LHX4: variants seen among roughly 807,000 people sequenced by gnomAD.
LHX4 encodes LIM homeobox 4.
In LHX4, 16 loss-of-function variants were observed where a neutral mutation model predicts 39.2. The observed-to-expected ratio is 0.41, with a 90% CI of 0.28 to 0.62. The LOEUF (loss-of-function observed/expected upper bound fraction) is 0.62. LHX4 is among the 20% of genes least tolerant of loss of function. The pLI is 0.33. For missense variants in LHX4, 439 were observed against 511.9 expected (o/e 0.86, Z 1.37); for synonymous variants, 206 against 198.1 (o/e 1.04, Z -0.33).
At chr1:180,272,776 T>C (rs1441189717) in intron 5 of LHX4, 2 of 152,210 alleles carry the variant, frequency 1.3e-5, no homozygotes, top group Non-Finnish European at 2.9e-5. Flanking sequence ...GATTCACTTC[T>C]CTTGAGCCCC....
intron 1 of LHX4, among the ~76,000 whole-genome samples, chr1:180,236,755 G>T (rs1664329694): frequency 6.6e-6 from 1 of 152,148 alleles, no homozygotes; most frequent in Admixed American, 6.5e-5. Flanking sequence ...GAATAGAGCT[G>T]AGGAGCTTTG....
At chr1:180,229,970 G>T (rs923931450), upstream of LHX4, among the ~76,000 whole-genome samples, 1 of 143,990 alleles carries the variant, frequency 6.9e-6, no homozygotes, top group Non-Finnish European at 1.5e-5. Flanking sequence ...GGGGAGGGGG[G>T]GGGGGTGCCG....
intron 2 of LHX4, among the ~76,000 whole-genome samples, chr1:180,259,103 G>A (rs1647992510): frequency 6.6e-6 from 1 of 152,068 alleles, no homozygotes; most frequent in East Asian, 1.9e-4. Flanking sequence ...GGAGCGGGGT[G>A]GGCAGAGAAG....
intron 5 of LHX4, 45 bp downstream of exon 5, chr1:180,272,051 C>G (rs957954772): frequency 3.8e-6 from 6 of 1,563,224 alleles, no homozygotes; most frequent in Non-Finnish European, 5.2e-6. Context: ...AGGAAAGTCC[C>G]CTGGGAATCT....
intron 1 of LHX4, among the ~76,000 whole-genome samples, chr1:180,235,555 C>A (rs1664295111): frequency 6.6e-6 from 1 of 152,250 alleles, no homozygotes; most frequent in East Asian, 1.9e-4. Flanking sequence ...GGCTCCTCCT[C>A]TTCGGAGCGG....
intron 1 of LHX4, among the ~76,000 whole-genome samples, chr1:180,244,820 C>A (rs763581000): frequency 1.3e-5 from 2 of 152,188 alleles, no homozygotes; most frequent in Non-Finnish European, 2.9e-5. Flanking sequence ...TAATTGCCCC[C>A]CTGGGAGTCC....
chr1:180,254,870 A>C (rs369785927), intron 2 of LHX4, among the ~76,000 whole-genome samples: 3 of 152,208 alleles, frequency 2.0e-5, no homozygotes, highest in African/African-American at 7.2e-5. Flanking sequence ...CATGAGGGGC[A>C]TCTACACTGT....
At chr1:180,233,611 A>C (rs164982) in intron 1 of LHX4, among the ~76,000 whole-genome samples, 82,916 of 152,174 alleles carry the variant, frequency 0.54, 24,696 homozygotes, top group African/African-American at 0.8. Context: ...CGCGGAAAAG[A>C]GCGAGGCATA....
At chr1:180,271,686 C>A in intron 4 of LHX4, 149 bp from the exon 5 acceptor site, 1 of 1,311,374 alleles carries the variant, frequency 7.6e-7, no homozygotes, top group Non-Finnish European at 1.1e-6. Context: ...TGAGGCCCAC[C>A]TGGGGAGAGG....
intron 1 of LHX4, among the ~76,000 whole-genome samples, chr1:180,236,926 G>A (rs1231350324): frequency 6.6e-6 from 1 of 152,206 alleles, no homozygotes; most frequent in Admixed American, 6.5e-5. Flanking sequence ...GAGAGGGCTG[G>A]CTGGGGTGCC....
rs1175289556 is a variant in LHX4, at chr1:180,277,591, A to T, written c.*3012A>T. 1 of 152,190 alleles carries T rather than the reference A, an allele frequency of 6.6e-6. No homozygotes were observed. The allele number at this position is 152,190 out of a possible 1,614,324, so 9.4% of individuals were successfully genotyped here. ...TTGTTGGAACGTAATGAAACCATGG[A>T]GGAAATACCAGATTTAAGGGCTAAG... On this transcript the variant is annotated 3_prime_UTR_variant, in exon 6 of 6. Transcript: ENST00000263726.
intron 2 of LHX4, among the ~76,000 whole-genome samples, chr1:180,250,970 C>G (rs1647605468): frequency 6.6e-6 from 1 of 152,154 alleles, no homozygotes; most frequent in South Asian, 2.1e-4. Context: ...GCTCCACTGC[C>G]CCAAGCCCTG....
At chr1:180,250,297 C>A (rs1352887435) in intron 2 of LHX4, among the ~76,000 whole-genome samples, 1 of 151,064 alleles carries the variant, frequency 6.6e-6, no homozygotes, top group Non-Finnish European at 1.5e-5. Flanking sequence ...GTTACAGGAC[C>A]CTGGGTGGAG....
chr1:180,265,814 G>A (rs1648287746), intron 2 of LHX4, among the ~76,000 whole-genome samples: 1 of 152,200 alleles, frequency 6.6e-6, no homozygotes, highest in Non-Finnish European at 1.5e-5. Flanking sequence ...TGGAGGTGAG[G>A]GGAGAAATGG....
chr1:180,245,508 G>A (rs1017951284), intron 1 of LHX4, among the ~76,000 whole-genome samples: 11 of 152,220 alleles, frequency 7.2e-5, no homozygotes, highest in Admixed American at 5.2e-4. Flanking sequence ...TGTGTGAGGC[G>A]GCCACTCGGC....
chr1:180,253,553 CA>C (rs1228447981), intron 2 of LHX4, among the ~76,000 whole-genome samples: 2 of 152,224 alleles, frequency 1.3e-5, no homozygotes, highest in African/African-American at 4.8e-5. Context: ...TTGGTGAACC[CA>C]AAAGGAGCTC....
intron 2 of LHX4, among the ~76,000 whole-genome samples, chr1:180,255,655 G>A (rs1351418075): frequency 6.6e-6 from 1 of 152,268 alleles, no homozygotes; most frequent in East Asian, 1.9e-4. Context: ...CAAGGCAGAA[G>A]CAATTACTTA....
rs966247344 is a variant in LHX4 at position 180,274,749 on chromosome 1, G to T, written c.*170G>T. The T allele has an allele frequency of 2.7e-6, 2 of 744,498 alleles. No homozygotes were observed. The highest frequency in any genetic ancestry group is 2.9e-5 in the Admixed American group (1 of 34,440). 46.1% of individuals were successfully genotyped at this position (744,498 alleles called of 1,614,324 possible). ...GGCTGTGAGACCACACTAGGGCATT[G>T]TTTCCCTGGGGAAGCAGTGGGAGAG... On this transcript the variant is annotated 3_prime_UTR_variant, in exon 6 of 6. Coordinates refer to ENST00000263726, the MANE Select transcript of LHX4 (RefSeq NM_033343.4).
At chr1:180,233,004 T>C (rs1664216078) in intron 1 of LHX4, among the ~76,000 whole-genome samples, 2 of 152,030 alleles carry the variant, frequency 1.3e-5, no homozygotes, top group Admixed American at 1.3e-4. Context: ...TCACATGGAG[T>C]CACCACGAAT....
Sources: gnomAD v4.1 joint callset for allele counts (sites outside exome capture counted in the v4.1 genomes callset) on GRCh38, gnomAD v4.1.1 for gene constraint, MANE v1.5 for transcripts, NCBI Gene and HGNC (gene_info 2026-07-23, HGNC 2026-07-21) for gene names.